RNF220: variants seen among roughly 807,000 people sequenced by gnomAD.
RNF220 encodes the protein ring finger protein 220, also known as E3 ubiquitin-protein ligase RNF220.
Under a neutral mutation model 67.1 loss-of-function variants are expected in RNF220, and 7 were observed. That is an observed-to-expected ratio of 0.10 (90% CI 0.06 to 0.20). The LOEUF is 0.20. Ranked by LOEUF, RNF220 falls within the 10% of genes least tolerant of loss-of-function variation. RNF220 has a pLI of 1.00. For missense variants in RNF220, 565 were observed against 740.3 expected (o/e 0.76, Z 2.75); for synonymous variants, 270 against 283.2 (o/e 0.95, Z 0.47).
In RNF220 at chr1:44,636,179, C is replaced by G; in HGVS notation, c.1126+17C>G. The G allele has an allele frequency of 6.3e-7, 1 of 1,588,958 alleles. No individual in the cohort carries two copies. Among genetic ancestry groups the G allele is most frequent in the Non-Finnish European group, 8.6e-7 (1 of 1,163,732 alleles). ...GCTTCCGAGGTACAAGCAGCTGACA[C>G]GTAGACATTGGCACTCTGGTGCCAG... On this transcript the variant is annotated intron_variant, in intron 8 of 14. Transcript: ENST00000361799.
Position 44,651,352 on chromosome 1 carries a change from A to C in RNF220, c.*577A>C. 1 of 163,936 alleles carries C rather than the reference A, an allele frequency of 6.1e-6. No homozygotes were observed. The highest frequency in any genetic ancestry group is 1.6e-4 in the South Asian group (1 of 6,224). The allele number at this position is 163,936 out of a possible 1,614,324, so 10.2% of individuals were successfully genotyped here. A position where few individuals can be genotyped will look rare whatever the true frequency, so the allele number is the denominator to read the frequency against. Reference sequence around the variant, plus strand: ...TCCTGTGGTGTCCCTTCCCTCTCCCATGTGCTCGGTGTTCAGTGGTGTATA... The same window carrying C: ...TCCTGTGGTGTCCCTTCCCTCTCCCCTGTGCTCGGTGTTCAGTGGTGTATA... On this transcript the variant is annotated 3_prime_UTR_variant, in exon 15 of 15. Coordinates refer to ENST00000361799, the MANE Select transcript of RNF220 (RefSeq NM_018150.4).
At chr1:44,644,659 T>A (rs1055625924) in intron 8 of RNF220, 39 bp from the exon 9 acceptor site, 1 of 1,559,958 alleles carries the variant, frequency 6.4e-7, no homozygotes, top group Non-Finnish European at 8.8e-7. Context: ...CTTGGCCTCG[T>A]CTTGTCCCCA....
chr1:44,509,713 C>T (rs574648336), intron 2 of RNF220, among the ~76,000 whole-genome samples: 67 of 151,116 alleles, frequency 4.4e-4, no homozygotes, highest in African/African-American at 1.5e-3. Flanking sequence ...CATGGCAAAA[C>T]GCCATCTCTA....
At chr1:44,612,206 G>A (rs1643340327) in intron 2 of RNF220, among the ~76,000 whole-genome samples, 1 of 152,180 alleles carries the variant, frequency 6.6e-6, no homozygotes, top group South Asian at 2.1e-4. Context: ...AGGTTATCTG[G>A]CTTCTAGGAC....
At chr1:44,425,592 A>G (rs943790216) in intron 2 of RNF220, among the ~76,000 whole-genome samples, 2 of 152,198 alleles carry the variant, frequency 1.3e-5, no homozygotes, top group Non-Finnish European at 2.9e-5. Flanking sequence ...GGGCAACAGC[A>G]CAGTCAGAAG....
intron 2 of RNF220, among the ~76,000 whole-genome samples, chr1:44,464,654 G>GA (rs1654104043): frequency 6.6e-6 from 1 of 152,112 alleles, no homozygotes; most frequent in African/African-American, 2.4e-5. Context: ...TTATATCAAA[G>GA]AAACAGCAAC....
chr1:44,578,389 T>A (rs1664986116), intron 2 of RNF220, among the ~76,000 whole-genome samples: 1 of 151,948 alleles, frequency 6.6e-6, no homozygotes, highest in Non-Finnish European at 1.5e-5. Flanking sequence ...CCTCAAGTGA[T>A]CCTCCCAAAG....
chr1:44,607,120 G>A (rs1426132488), intron 2 of RNF220, among the ~76,000 whole-genome samples: 4 of 151,990 alleles, frequency 2.6e-5, no homozygotes, highest in East Asian at 3.9e-4. Context: ...GTTCATCTCC[G>A]GCATCGTCAT....
intron 2 of RNF220, among the ~76,000 whole-genome samples, chr1:44,495,034 A>C (rs920055346): frequency 6.6e-6 from 1 of 152,108 alleles, no homozygotes. Context: ...GCAACATCGC[A>C]AGACCTCATC....
chr1:44,474,315 C>G (rs1272291568), intron 2 of RNF220, among the ~76,000 whole-genome samples: 2 of 151,300 alleles, frequency 1.3e-5, no homozygotes, highest in African/African-American at 4.9e-5. Context: ...GCGGAGGTTG[C>G]AGTAAGCCGA....
At chr1:44,516,329 G>A (rs1211981571) in intron 2 of RNF220, among the ~76,000 whole-genome samples, 1 of 152,124 alleles carries the variant, frequency 6.6e-6, no homozygotes, top group Non-Finnish European at 1.5e-5. Flanking sequence ...CCTAGAAGAA[G>A]CAAACACCTA....
At chr1:44,597,537 C>T (rs1231338510) in intron 2 of RNF220, among the ~76,000 whole-genome samples, 4 of 151,556 alleles carry the variant, frequency 2.6e-5, no homozygotes, top group East Asian at 1.9e-4. Context: ...CCCTCTCTCA[C>T]GCTGTGCCCC....
chr1:44,536,268 CG>C (rs1661214069), intron 2 of RNF220, among the ~76,000 whole-genome samples: 2 of 152,168 alleles, frequency 1.3e-5, no homozygotes, highest in Admixed American at 1.3e-4. Context: ...TTTGCAAGAA[CG>C]ACGCATCTCC....
In RNF220 at chr1:44,511,987, C is replaced by A. The variant is rs535334889; in HGVS notation, c.625+99265C>A. Among the ~76,000 whole-genome samples, 4 of 151,240 alleles carry A rather than the reference C, an allele frequency of 2.6e-5. No individual in the cohort carries two copies. In the East Asian group the frequency reaches 7.7e-4, roughly 29 times the overall value. ...GGCCAAACCACACCAAACAGAATAG[C>A]GCTAAGTGATCAAATTGAAAACAGA... On this transcript the variant is annotated intron_variant, in intron 2 of 14. Coordinates refer to ENST00000361799, the MANE Select transcript of RNF220 (RefSeq NM_018150.4).
At chr1:44,418,913 CTT>C (rs1187250352) in intron 2 of RNF220, among the ~76,000 whole-genome samples, 1 of 152,026 alleles carries the variant, frequency 6.6e-6, no homozygotes, top group East Asian at 1.9e-4. Flanking sequence ...ATTTTTAACT[CTT>C]ATTAACCACA....
chr1:44,562,846 C>T (rs1204998831), intron 2 of RNF220, among the ~76,000 whole-genome samples: 1 of 152,234 alleles, frequency 6.6e-6, no homozygotes, highest in African/African-American at 2.4e-5. Context: ...GAAGTGTCCT[C>T]TTCCATCCCC....
At chr1:44,631,057 G>A (rs1241605111) in intron 5 of RNF220, among the ~76,000 whole-genome samples, 3 of 152,198 alleles carry the variant, frequency 2.0e-5, no homozygotes, top group African/African-American at 7.2e-5. Flanking sequence ...GGAGCACAAC[G>A]ACAACCAAGG....
chr1:44,591,093 C>G (rs1293589989), intron 2 of RNF220, among the ~76,000 whole-genome samples: 1 of 152,194 alleles, frequency 6.6e-6, no homozygotes, highest in Non-Finnish European at 1.5e-5. Context: ...TCCCGAGTAA[C>G]TGGGATTACA....
In RNF220 at chr1:44,649,285, C is replaced by A. The variant is rs750921187; in HGVS notation, c.1446-376C>A. On this transcript the variant is annotated intron_variant, in intron 12 of 14. Transcript: ENST00000361799. This position sits in a 1 kb window ranked among gnomAD's most constrained non-coding sequence, Gnocchi z 5.9. ...GATGAGGGGCCTGGAGGCAGAAAGG[C>A]TGTCTGGAAAAAGTTAGTGGTGGAA... is the stretch of plus-strand genomic sequence containing the variant. 2.6e-4 allele frequency: 75 copies of A among 285,736 alleles called. No individual in the cohort carries two copies. Among genetic ancestry groups the A allele is most frequent in the Non-Finnish European group, 3.9e-4 (58 of 148,658 alleles). 17.7% of individuals were successfully genotyped at this position (285,736 alleles called of 1,614,324 possible). A position where few individuals can be genotyped will look rare whatever the true frequency, so the allele number is the denominator to read the frequency against.
Sources: allele counts gnomAD v4.1 joint callset (sites outside exome capture counted in the v4.1 genomes callset), GRCh38; gene constraint gnomAD v4.1.1; non-coding constraint Gnocchi (gnomAD v3.1); transcripts MANE v1.5; gene names NCBI Gene and HGNC (gene_info 2026-07-23, HGNC 2026-07-21).